Variants in ITGB3BP observed in about 807,000 individuals in gnomAD.
The protein encoded by ITGB3BP is centromere protein R.
In ITGB3BP, 27 loss-of-function variants were observed where a neutral mutation model predicts 29.1. That is an observed-to-expected ratio of 0.93 (90% CI 0.68 to 1.28). The LOEUF is 1.28. Among genes scored for constraint, ITGB3BP ranks in the 50% most tolerant of loss-of-function variants. ITGB3BP has a pLI of 0.00. For synonymous variants in ITGB3BP, 61 were observed against 61.4 expected (o/e 0.99, Z 0.03); for missense variants, 192 against 200.2 (o/e 0.96, Z 0.25).
chr1:63,476,277 C>A (rs941467440), intron 4 of ITGB3BP, among the ~76,000 whole-genome samples: 3 of 152,002 alleles, frequency 2.0e-5, no homozygotes, highest in African/African-American at 7.2e-5. Flanking sequence ...GATTCTCCTG[C>A]CTCAGCCTCC....
intron 4 of ITGB3BP, among the ~76,000 whole-genome samples, chr1:63,469,329 AT>A (rs776273890): frequency 0.017 from 2,488 of 149,546 alleles, 50 homozygotes; most frequent in African/African-American, 0.056. Flanking sequence ...TATTATTATT[AT>A]TTTTTTTTTT....
chr1:63,473,618 T>G (rs1303368540), intron 4 of ITGB3BP, among the ~76,000 whole-genome samples: 34 of 71,034 alleles, frequency 4.8e-4, no homozygotes, highest in South Asian at 1.7e-3. Context: ...GGGAGGGAGG[T>G]GGGGGGGTCA....
intron 2 of ITGB3BP, among the ~76,000 whole-genome samples, chr1:63,496,848 G>C (rs1458434770): frequency 1.3e-5 from 2 of 152,332 alleles, no homozygotes; most frequent in East Asian, 3.9e-4. Context: ...TAGGAAGGTG[G>C]TGCTGAAAGG....
chr1:63,495,190 C>T (rs1645756879), intron 2 of ITGB3BP, among the ~76,000 whole-genome samples: 1 of 152,106 alleles, frequency 6.6e-6, no homozygotes, highest in Non-Finnish European at 1.5e-5. Flanking sequence ...ATATGAAGTG[C>T]ATATGAATTT....
chr1:63,455,696 T>C (rs567043590), intron 4 of ITGB3BP, among the ~76,000 whole-genome samples: 1 of 152,274 alleles, frequency 6.6e-6, no homozygotes, highest in South Asian at 2.1e-4. Context: ...GTAAACATAC[T>C]AAAAATGATT....
intron 2 of ITGB3BP, among the ~76,000 whole-genome samples, chr1:63,505,824 T>C (rs1376004917): frequency 6.6e-6 from 1 of 152,186 alleles, no homozygotes; most frequent in Non-Finnish European, 1.5e-5. Flanking sequence ...TTGAGCGGTT[T>C]TGAGTGAGTT....
intron 8 of ITGB3BP, among the ~76,000 whole-genome samples, chr1:63,441,422 G>A (rs1441817150): frequency 6.6e-6 from 1 of 151,074 alleles, no homozygotes; most frequent in Non-Finnish European, 1.5e-5. Flanking sequence ...ATTTTTAGTA[G>A]AGACGGGGTT....
chr1:63,490,836 C>T (rs749128414), intron 2 of ITGB3BP, among the ~76,000 whole-genome samples: 5 of 152,144 alleles, frequency 3.3e-5, no homozygotes, highest in Non-Finnish European at 7.4e-5. Context: ...TTAATAAGTT[C>T]TGTCTGTTCC....
At chr1:63,475,665 C>G (rs1266033675) in intron 4 of ITGB3BP, among the ~76,000 whole-genome samples, 2 of 152,082 alleles carry the variant, frequency 1.3e-5, no homozygotes, top group Admixed American at 1.3e-4. Flanking sequence ...GCTTTATTAG[C>G]TAGAACTGAG....
At chr1:63,491,827 A>G (rs1645654550) in intron 2 of ITGB3BP, among the ~76,000 whole-genome samples, 1 of 152,198 alleles carries the variant, frequency 6.6e-6, no homozygotes, top group African/African-American at 2.4e-5. Context: ...TTATAACTCT[A>G]AAGCAATCTT....
chr1:63,516,551 A>G (rs1299961410), intron 1 of ITGB3BP, among the ~76,000 whole-genome samples: 1 of 151,592 alleles, frequency 6.6e-6, no homozygotes, highest in African/African-American at 2.4e-5. Flanking sequence ...CTTTACAAAA[A>G]AATTAAAAAT....
At position 63,441,114 on chromosome 1, in the gene ITGB3BP, T is replaced by C. The variant is rs1570102121; in HGVS notation, c.*2-11A>G. ...ATTTCTTCTTAATGCCTGTGAGATA[T>C]AAAAGATAATTATATTATCAAGAAT... is the stretch of plus-strand genomic sequence containing the variant. On this transcript the variant is annotated splice_polypyrimidine_tract_variant and intron_variant, in intron 8 of 8. Coordinates refer to ENST00000271002, the MANE Select transcript of ITGB3BP (RefSeq NM_014288.5). 1 of 152,348 alleles carries C rather than the reference T, an allele frequency of 6.6e-6. No homozygotes were observed. The highest frequency in any genetic ancestry group is 2.4e-5 in the African/African-American group (1 of 41,444). The allele number at this position is 152,348 out of a possible 1,614,324, so 9.4% of individuals were successfully genotyped here.
chr1:63,486,600 T>G (rs2100658266), intron 3 of ITGB3BP, among the ~76,000 whole-genome samples: 1 of 152,148 alleles, frequency 6.6e-6, no homozygotes, highest in South Asian at 2.1e-4. Flanking sequence ...CAAGATGAAC[T>G]GTCAGAAATG....
In ITGB3BP at chr1:63,493,454, A is replaced by AAACAAACC. The variant is rs1439092039; in HGVS notation, c.49-3237_49-3236insGGTTTGTT. Among the ~76,000 whole-genome samples the AAACAAACC allele has an allele frequency of 2.8e-5, 4 of 144,362 alleles. 1 individual carries two copies. Among genetic ancestry groups the AAACAAACC allele is most frequent in the South Asian group, 2.2e-4 (1 of 4,588 alleles). The allele number at this position is 144,362 out of a possible 152,430, so 94.7% of individuals were successfully genotyped here. The stretch of plus-strand genomic sequence containing the variant: ...CAAACAAACAAACAAACAAACAAAC[A>AAACAAACC]AACCTGCTTGTAATAATTCCTGACT... On this transcript the variant is annotated intron_variant, in intron 2 of 8. Transcript: ENST00000271002.
chr1:63,507,429 C>T lies in ITGB3BP; in HGVS notation c.48+1099G>A, dbSNP rs754162437. Among the ~76,000 whole-genome samples the T allele has an allele frequency of 6.6e-5, 10 of 152,246 alleles. No homozygotes were observed. In the South Asian group the frequency reaches 1.2e-3, roughly 19 times the overall value. The stretch of plus-strand genomic sequence containing the variant: ...TTCATGAAGAGAACGGGTTCTGAAA[C>T]GGTCATTCTTTTCCATTTAAACAAT... On this transcript the variant is annotated intron_variant, in intron 2 of 8. Coordinates refer to ENST00000271002, the MANE Select transcript of ITGB3BP (RefSeq NM_014288.5).
chr1:63,510,800 T>C (rs886086954), intron 1 of ITGB3BP, among the ~76,000 whole-genome samples: 2 of 152,096 alleles, frequency 1.3e-5, no homozygotes, highest in Non-Finnish European at 1.5e-5. Context: ...GCAAACCCAC[T>C]ACAGAGTTTA....
chr1:63,480,735 C>T (rs973412817), intron 3 of ITGB3BP, among the ~76,000 whole-genome samples: 3 of 152,022 alleles, frequency 2.0e-5, no homozygotes, highest in Non-Finnish European at 4.4e-5. Context: ...TGTTAAAGCA[C>T]TAGTTATTTC....
At chr1:63,473,688 T>C (rs1422818112) in intron 4 of ITGB3BP, among the ~76,000 whole-genome samples, 19 of 70,096 alleles carry the variant, frequency 2.7e-4, no homozygotes, top group African/African-American at 9.0e-4. Context: ...GCCCCCTGCC[T>C]GGCCAGCCGC....
intron 4 of ITGB3BP, among the ~76,000 whole-genome samples, chr1:63,462,634 A>G (rs914120423): frequency 7.2e-5 from 11 of 152,208 alleles, no homozygotes; most frequent in African/African-American, 2.7e-4. Flanking sequence ...CTTTCCTCTT[A>G]GCCTTTGCTC....
Sources: allele counts gnomAD v4.1 joint callset (sites outside exome capture counted in the v4.1 genomes callset), GRCh38; gene constraint gnomAD v4.1.1; transcripts MANE v1.5; gene names NCBI Gene and HGNC (gene_info 2026-07-23, HGNC 2026-07-21).